Variants in BTAF1 observed in about 807,000 individuals in gnomAD.
The protein encoded by BTAF1 is B-TFIID TATA-box binding protein associated factor 1.
BTAF1 carries 38 observed loss-of-function variants against 227.1 expected under a neutral mutation model. The ratio of observed to expected loss-of-function variants is 0.17; its 90% CI spans 0.13 to 0.22. The LOEUF (loss-of-function observed/expected upper bound fraction) is 0.22. Among genes scored for constraint, BTAF1 ranks in the 10% least tolerant of loss-of-function variants. The pLI is 1.00. For missense variants in BTAF1, 1,598 were observed against 2,204.0 expected, an observed-to-expected ratio of 0.73 and a Z score of 5.51; for synonymous variants, 742 against 751.9, an observed-to-expected ratio of 0.99 and a Z score of 0.21.
At chr10:91,960,229 A>T in intron 11 of BTAF1, 75 bp downstream of exon 11, 1 of 1,443,540 alleles carries the variant, frequency 6.9e-7, no homozygotes, top group Non-Finnish European at 9.4e-7. Flanking sequence ...TAATTAGACG[A>T]AATGGCCGTA....
At chr10:91,953,591 A>T (rs1845907924) in intron 5 of BTAF1, 146 bp from the exon 6 acceptor site, 2 of 880,144 alleles carry the variant, frequency 2.3e-6, no homozygotes, top group African/African-American at 1.7e-5. Context: ...ACAGTCATAC[A>T]ACAAAAGAGT....
At chr10:92,028,732 C>T (rs1851695887) in intron 37 of BTAF1, 58 bp from the exon 38 acceptor site, 1 of 1,478,788 alleles carries the variant, frequency 6.8e-7, no homozygotes, top group Non-Finnish European at 9.1e-7. Context: ...AAGGAAAATA[C>T]AATTTGTGAA....
intron 34 of BTAF1, among the ~76,000 whole-genome samples, chr10:92,023,308 G>A (rs1251192717): frequency 6.6e-6 from 1 of 152,168 alleles, no homozygotes; most frequent in Non-Finnish European, 1.5e-5. Context: ...AGTTTGCCTG[G>A]ATGGCCTTTT....
rs969389265 is a variant in BTAF1 at position 92,007,210 on chromosome 10, C to CTTTTTTTTTTTT, written c.3661-898_3661-887dup. Among the ~76,000 whole-genome samples, 18 of 61,278 alleles carry CTTTTTTTTTTTT rather than the reference C, an allele frequency of 2.9e-4. 3 individuals carry two copies. Among genetic ancestry groups the CTTTTTTTTTTTT allele is most frequent in the Non-Finnish European group, 5.2e-4 (16 of 30,504 alleles). 40.2% of individuals were successfully genotyped at this position (61,278 alleles called of 152,430 possible). A position where few individuals can be genotyped will look rare whatever the true frequency, so the allele number is the denominator to read the frequency against. ...ACTGCTCTATCAAGGTATTTTTTGTCTTTTTTTTTTTTTTTTTTTTTTTTT... is the reference window on the plus strand; with the variant it reads ...ACTGCTCTATCAAGGTATTTTTTGTCTTTTTTTTTTTTTTTTTTTTTTTTTTTTTTTTTTTTT... On this transcript the variant is annotated intron_variant, in intron 25 of 37. Coordinates refer to ENST00000265990, the MANE Select transcript of BTAF1 (RefSeq NM_003972.3).
intron 1 of BTAF1, among the ~76,000 whole-genome samples, chr10:91,929,371 C>T (rs1589732310): frequency 6.6e-6 from 1 of 152,174 alleles, no homozygotes; most frequent in East Asian, 1.9e-4. Context: ...TATAATATGA[C>T]TGTTTTAAAA....
Position 91,992,268 on chromosome 10 carries a change from C to T in BTAF1, c.3004C>T (p.Pro1002Ser), listed in dbSNP as rs1848841429. The change falls in exon 21 of 38, where the codon CCT (proline) becomes TCT (serine). Residue 1002 changes from proline to serine, a missense_variant. Physicochemically the swap from Pro to Ser is moderately conservative, Grantham distance 74. Transcript: ENST00000265990. ...AGTAAAAGCTCAAATAGCAGATCTT[C>T]CTGCAGGAAGTAGTGGAAATATTCT... ...KAVKAQIADLPAGSSGNILVE... is the reference protein window; with the variant it reads ...KAVKAQIADLSAGSSGNILVE... The T allele has an allele frequency of 3.1e-6, 5 of 1,612,842 alleles. No homozygotes were observed. The highest frequency in any genetic ancestry group is 2.7e-5 in the African/African-American group (2 of 74,692).
At chr10:92,027,011 A>T in intron 36 of BTAF1, 119 bp from the exon 37 acceptor site, 1 of 1,121,502 alleles carries the variant, frequency 8.9e-7, no homozygotes, top group Non-Finnish European at 1.3e-6. Flanking sequence ...GGCCAGACAA[A>T]ATAAAAATCC....
rs1158358331 is a variant in BTAF1, at chr10:92,030,480, A to G, written c.*1547A>G. ...TGAGTTGAATATTTTTTTATTAACT[A>G]TTTATTTGCTAGTTCCATAAACCAG... On this transcript the variant is annotated 3_prime_UTR_variant, in exon 38 of 38. Transcript: ENST00000265990. 6.6e-6 allele frequency among the ~76,000 whole-genome samples: 1 copy of G among 152,106 alleles called. No homozygotes were observed. The highest frequency in any genetic ancestry group is 1.5e-5 in the Non-Finnish European group (1 of 67,996).
At chr10:91,991,279 T>TATATATATATATATAAAA (rs1256838673) in intron 20 of BTAF1, among the ~76,000 whole-genome samples, 5 of 98,430 alleles carry the variant, frequency 5.1e-5, no homozygotes, top group African/African-American at 1.5e-4. Flanking sequence ...TAAATATATA[T>TATATATATATATATAAAA]ATATATATAT....
intron 32 of BTAF1, among the ~76,000 whole-genome samples, chr10:92,015,862 C>CAT (rs1252726488): frequency 1.3e-5 from 2 of 152,132 alleles, no homozygotes; most frequent in African/African-American, 4.8e-5. Context: ...TAAAACTTGA[C>CAT]ATATGTTCCC....
intron 32 of BTAF1, among the ~76,000 whole-genome samples, chr10:92,014,921 A>G (rs139415940): frequency 4.2e-4 from 64 of 152,324 alleles, no homozygotes; most frequent in African/African-American, 1.4e-3. Flanking sequence ...TTGCAACACA[A>G]TTATATTTGT....
At chr10:92,013,573 ATATGAT>A in intron 30 of BTAF1, 88 bp from the exon 31 acceptor site, 10 of 1,463,216 alleles carry the variant, frequency 6.8e-6, no homozygotes, top group Non-Finnish European at 8.6e-6. Context: ...TCTCTCATCT[ATATGAT>A]TATAATAATG....
At chr10:91,935,802 T>C (rs773466806) in intron 2 of BTAF1, 22 bp downstream of exon 2, 2 of 1,582,876 alleles carry the variant, frequency 1.3e-6, no homozygotes, top group Non-Finnish European at 1.7e-6. Flanking sequence ...TTTTTTTCTT[T>C]TAGCATAATA....
In BTAF1 at chr10:91,989,318, T is replaced by C. The variant is rs1474917347; in HGVS notation, c.2592T>C (p.Val864=). ...LRVHTFAACA[V]VSLQQLPEKL... The stretch of plus-strand genomic sequence containing the variant: ...TGCATACTTTTGCTGCCTGTGCAGT[T>C]GTGAGCTTGCAGCAGCTTCCGGAGA... The change falls in exon 20 of 38, where the codon GTT becomes GTC. Residue 864 remains valine (V), a synonymous_variant. Coordinates refer to ENST00000265990, the MANE Select transcript of BTAF1 (RefSeq NM_003972.3). The C allele has an allele frequency of 6.2e-7, 1 of 1,614,156 alleles. No homozygotes were observed.
rs183690104 is a variant in BTAF1 at position 91,994,752 on chromosome 10, A to G, written c.3309+108A>G. The G allele has an allele frequency of 6.1e-5, 55 of 902,166 alleles. No homozygotes were observed. In the East Asian group the frequency reaches 7.0e-4, roughly 12 times the overall value. The allele number at this position is 902,166 out of a possible 1,614,324, so 55.9% of individuals were successfully genotyped here. On this transcript the variant is annotated intron_variant, in intron 23 of 37. Coordinates refer to ENST00000265990, the MANE Select transcript of BTAF1 (RefSeq NM_003972.3). The stretch of plus-strand genomic sequence containing the variant: ...CTTTGATGTCATCCTTATTAATTGC[A>G]TTTTTCTTTGCTGTGGTATAACTAG...
At chr10:92,013,537 C>T (rs1488067879) in intron 30 of BTAF1, 130 bp from the exon 31 acceptor site, 16 of 1,192,726 alleles carry the variant, frequency 1.3e-5, no homozygotes, top group Non-Finnish European at 1.7e-5. Flanking sequence ...AAGACTTACA[C>T]CATATGTCTA....
At chr10:91,939,128 T>C (rs961211804) in intron 2 of BTAF1, among the ~76,000 whole-genome samples, 1 of 152,184 alleles carries the variant, frequency 6.6e-6, no homozygotes. Flanking sequence ...ACAATATTTT[T>C]AGTGTTTTTT....
chr10:92,026,986 AT>A, intron 36 of BTAF1, 143 bp from the exon 37 acceptor site: 2 of 952,382 alleles, frequency 2.1e-6, no homozygotes, highest in Non-Finnish European at 1.5e-6. Context: ...TGCTGCACAC[AT>A]TTTGAGCTCA....
intron 20 of BTAF1, among the ~76,000 whole-genome samples, chr10:91,990,367 C>T (rs538856722): frequency 2.6e-5 from 4 of 151,822 alleles, no homozygotes; most frequent in Non-Finnish European, 5.9e-5. Context: ...TGGTCCATTG[C>T]TATATAAGGC....
Sources: gnomAD v4.1 joint callset for allele counts (sites outside exome capture counted in the v4.1 genomes callset) on GRCh38, gnomAD v4.1.1 for gene constraint, MANE v1.5 for transcripts, NCBI Gene and HGNC (gene_info 2026-07-23, HGNC 2026-07-21) for gene names.